PTPRD: variants seen among roughly 807,000 people sequenced by gnomAD.
PTPRD encodes the protein protein tyrosine phosphatase receptor type D, also known as receptor-type tyrosine-protein phosphatase delta.
In PTPRD, 34 loss-of-function variants were observed where a neutral mutation model predicts 214.5. The ratio of observed to expected loss-of-function variants is 0.16; its 90% confidence interval spans 0.12 to 0.21. The LOEUF (loss-of-function observed/expected upper bound fraction) is 0.21. Among genes scored for constraint, PTPRD ranks in the 10% least tolerant of loss-of-function variants. The pLI is 1.00. For missense variants in PTPRD, 2,545 were observed against 2,398.7 expected, an observed-to-expected ratio of 1.06 and a Z score of -1.27; for synonymous variants, 1,128 against 845.7, an observed-to-expected ratio of 1.33 and a Z score of -5.79.
chr9:9,508,602 A>G (rs2096625884), intron 8 of PTPRD, among the ~76,000 whole-genome samples: 1 of 151,528 alleles, frequency 6.6e-6, no homozygotes, highest in South Asian at 2.1e-4. Context: ...TTCCAACTAA[A>G]GCCCACATTT....
At chr9:9,297,582 T>C (rs1953565626) in intron 9 of PTPRD, among the ~76,000 whole-genome samples, 1 of 151,706 alleles carries the variant, frequency 6.6e-6, no homozygotes, top group African/African-American at 2.4e-5. Context: ...CACAGAAATA[T>C]ATAAATATAA....
At chr9:10,442,647 T>C (rs1341470392) in intron 2 of PTPRD, among the ~76,000 whole-genome samples, 3 of 151,610 alleles carry the variant, frequency 2.0e-5, no homozygotes, top group Non-Finnish European at 3.0e-5. Flanking sequence ...CTGCCATTGC[T>C]GAGTTCTTGC....
intron 4 of PTPRD, among the ~76,000 whole-genome samples, chr9:9,967,783 A>G (rs1002954083): frequency 1.3e-5 from 2 of 152,190 alleles, no homozygotes; most frequent in South Asian, 4.1e-4. Context: ...AACATGCGTA[A>G]AAAGTTGAAA....
intron 3 of PTPRD, among the ~76,000 whole-genome samples, chr9:10,114,227 A>C (rs2098712868): frequency 6.6e-6 from 1 of 152,164 alleles, no homozygotes; most frequent in African/African-American, 2.4e-5. Flanking sequence ...GTGCCTTTAT[A>C]GAGTTGTTAG....
rs78190623 is a variant in PTPRD at position 9,343,868 on chromosome 9, G to A, written c.-203+53581C>T. Among the ~76,000 whole-genome samples the A allele has an allele frequency of 6.0e-3, 906 of 152,140 alleles. 6 individuals are homozygous for A. The highest frequency in any genetic ancestry group is 0.021 in the African/African-American group (876 of 41,528). The stretch of plus-strand genomic sequence containing the variant: ...TTCAACTAAATGTTATATCCTGGGT[G>A]AAATTCTTTAGGGTCCAATACCAAT... On this transcript the variant is annotated intron_variant, in intron 9 of 45. Coordinates refer to ENST00000381196, the MANE Select transcript of PTPRD (RefSeq NM_002839.4).
intron 11 of PTPRD, among the ~76,000 whole-genome samples, chr9:8,735,231 C>A (rs139488944): frequency 8.8e-4 from 132 of 150,160 alleles, no homozygotes; most frequent in Non-Finnish European, 1.4e-3. Flanking sequence ...GCAAACGCTG[C>A]TTCCCAGGTT....
chr9:9,352,465 T>C (rs9407423), intron 9 of PTPRD, among the ~76,000 whole-genome samples: 10,189 of 151,630 alleles, frequency 0.067, 1,163 homozygotes, highest in African/African-American at 0.23. Context: ...TTTTTTCTCC[T>C]GGAAATTACA....
chr9:9,114,263 T>A (rs1268136873), intron 10 of PTPRD, among the ~76,000 whole-genome samples: 1 of 152,120 alleles, frequency 6.6e-6, no homozygotes, highest in Non-Finnish European at 1.5e-5. Context: ...GCCATACAGT[T>A]GAAACGAGGG....
intron 2 of PTPRD, among the ~76,000 whole-genome samples, chr9:10,415,774 G>T (rs2098481426): frequency 6.6e-6 from 1 of 151,748 alleles, no homozygotes; most frequent in African/African-American, 2.4e-5. Context: ...GAAAGAGGAG[G>T]GTTTAGAGAG....
At chr9:9,142,351 C>G (rs1001054360) in intron 10 of PTPRD, among the ~76,000 whole-genome samples, 4 of 152,146 alleles carry the variant, frequency 2.6e-5, no homozygotes, top group Admixed American at 6.5e-5. Context: ...TTATAGTCTC[C>G]CTAGCTGAGG....
intron 3 of PTPRD, among the ~76,000 whole-genome samples, chr9:10,205,450 G>T (rs1050979879): frequency 6.6e-6 from 1 of 151,202 alleles, no homozygotes; most frequent in Non-Finnish European, 1.5e-5. Flanking sequence ...CTGTTGCCCA[G>T]GCTGGAGTGC....
intron 9 of PTPRD, among the ~76,000 whole-genome samples, chr9:9,287,170 A>G (rs900821534): frequency 3.3e-5 from 5 of 151,342 alleles, no homozygotes; most frequent in African/African-American, 1.2e-4. Context: ...GGTTGCATTG[A>G]GCGGAGATCA....
intron 8 of PTPRD, among the ~76,000 whole-genome samples, chr9:9,558,732 A>G (rs1355645275): frequency 1.3e-5 from 2 of 152,170 alleles, no homozygotes; most frequent in African/African-American, 4.8e-5. Context: ...GTTTTAAACC[A>G]TATGTTATCA....
intron 11 of PTPRD, among the ~76,000 whole-genome samples, chr9:8,914,978 T>A (rs887366234): frequency 2.0e-5 from 3 of 152,096 alleles, no homozygotes; most frequent in Non-Finnish European, 4.4e-5. Flanking sequence ...CAAAAGGAAC[T>A]AAATCACAAA....
intron 9 of PTPRD, among the ~76,000 whole-genome samples, chr9:9,258,594 T>G (rs557892446): frequency 6.6e-6 from 1 of 151,912 alleles, no homozygotes. Flanking sequence ...TTCAAATATT[T>G]TTATGGTCAT....
chr9:10,289,562 C>T lies in PTPRD; in HGVS notation c.-545+51401G>A, dbSNP rs371750528. On this transcript the variant is annotated intron_variant, in intron 3 of 45. Coordinates refer to ENST00000381196, the MANE Select transcript of PTPRD (RefSeq NM_002839.4). ...TAACCTGGTAGGTTGCTTCCCCTAC[C>T]GCCCCGCCATTTGTGCTAATATTCC... 8.3e-4 allele frequency among the ~76,000 whole-genome samples: 126 copies of T among 152,156 alleles called. 2 individuals carry two copies. The South Asian group carries it at 0.022, about 26-fold the overall frequency.
intron 14 of PTPRD, among the ~76,000 whole-genome samples, chr9:8,547,759 T>C (rs912702815): frequency 6.6e-6 from 1 of 151,972 alleles, no homozygotes; most frequent in Non-Finnish European, 1.5e-5. Flanking sequence ...CAAAGATATA[T>C]ACCCACACAA....
chr9:10,259,859 C>G (rs1196150643), intron 3 of PTPRD, among the ~76,000 whole-genome samples: 1 of 152,158 alleles, frequency 6.6e-6, no homozygotes. Context: ...TGTGACGTCA[C>G]ACTTTTGAAG....
chr9:10,183,389 C>G (rs193148397), intron 3 of PTPRD, among the ~76,000 whole-genome samples: 1 of 152,012 alleles, frequency 6.6e-6, no homozygotes, highest in Non-Finnish European at 1.5e-5. Context: ...TAATCCTTTG[C>G]GCAAAGGAAG....
Sources: allele counts gnomAD v4.1 joint callset (sites outside exome capture counted in the v4.1 genomes callset), GRCh38; gene constraint gnomAD v4.1.1; transcripts MANE v1.5; gene names NCBI Gene and HGNC (gene_info 2026-07-23, HGNC 2026-07-21).